SPTBN2: variants seen among roughly 807,000 people sequenced by gnomAD.
SPTBN2 encodes spectrin beta chain, non-erythrocytic 2.
SPTBN2 carries 107 observed loss-of-function variants against 284.2 expected under a neutral mutation model. That is an observed-to-expected ratio of 0.38 (90% CI 0.32 to 0.44). The LOEUF (loss-of-function observed/expected upper bound fraction) is 0.44. Ranked by LOEUF, SPTBN2 falls within the 20% of genes least tolerant of loss-of-function variation. The probability of loss-of-function intolerance (pLI) is 1.00; values close to 1 mark genes in which losing one functional copy is unlikely to be tolerated. For missense variants in SPTBN2, 2,569 were observed against 3,287.1 expected (o/e 0.78, Z 5.34); for synonymous variants, 1,289 against 1,354.8 (o/e 0.95, Z 1.07).
upstream of SPTBN2, among the ~76,000 whole-genome samples, chr11:66,733,908 G>A (rs940464526): frequency 6.7e-6 from 1 of 148,878 alleles, no homozygotes; most frequent in Non-Finnish European, 1.5e-5. Flanking sequence ...AACCCGGGAA[G>A]CAGAGCTTGC....
In SPTBN2 at chr11:66,707,903, G is replaced by C; in HGVS notation, c.1351-85C>G. 1 of 1,538,622 alleles carries C rather than the reference G, an allele frequency of 6.5e-7. No homozygotes were observed. The highest frequency in any genetic ancestry group is 8.8e-7 in the Non-Finnish European group (1 of 1,136,420). On this transcript the variant is annotated intron_variant, in intron 12 of 37. Transcript: ENST00000533211. The surrounding 1 kb of genome is among the most constrained non-coding windows in gnomAD (Gnocchi z 4.9). The stretch of plus-strand genomic sequence containing the variant: ...CTCTGTCCTGCAGGGCACTTGGCCT[G>C]CAAGATCCCAGCTCCATGCGGTGGC...
At chr11:66,732,823 G>A (rs189511766), upstream of SPTBN2, among the ~76,000 whole-genome samples, 46 of 151,548 alleles carry the variant, frequency 3.0e-4, no homozygotes, top group East Asian at 4.3e-3. Flanking sequence ...AGAATTAGCC[G>A]GGCGTGGTGG....
rs1287567134 is a variant in SPTBN2, at chr11:66,715,598, G to C, written c.310-203C>G. Among the ~76,000 whole-genome samples, 1 of 152,250 alleles carries C rather than the reference G, an allele frequency of 6.6e-6. No individual in the cohort carries two copies. The highest frequency in any genetic ancestry group is 1.5e-5 in the Non-Finnish European group (1 of 68,046). ...TTCCCAAGGGAATTAATTGCACCCA[G>C]AGTAGGTGGGAAAAGAAATGTTTTC... On this transcript the variant is annotated intron_variant, in intron 4 of 37. Transcript: ENST00000533211. The surrounding 1 kb of genome is among the most constrained non-coding windows in gnomAD (Gnocchi z 5.3).
chr11:66,685,900 G>A lies in SPTBN2; in HGVS notation c.7144C>T (p.Arg2382Cys), dbSNP rs747604384. 5 of 1,613,936 alleles carry A rather than the reference G, an allele frequency of 3.1e-6. No homozygotes were observed. The highest frequency in any genetic ancestry group is 1.7e-5 in the Admixed American group (1 of 60,020). The stretch of plus-strand genomic sequence containing the variant: ...TTGTTCTTCTTAAAGAAGCTGAAGC[G>A]TTTTTCTCGCTCTCGTTCTCTGCCG... ...KDGREREREKRFSFFKKNK is the reference protein window; with the variant it reads ...KDGREREREKCFSFFKKNK The change falls in exon 38 of 38, where the codon CGC (arginine) becomes TGC (cysteine). Residue 2382 changes from arginine to cysteine, a missense_variant. By Grantham distance (180) the Arg-to-Cys change is radical. Transcript: ENST00000533211. The surrounding 1 kb of genome is among the most constrained non-coding windows in gnomAD (Gnocchi z 4.4).
At chr11:66,728,352 T>G (rs1010017730) in intron 1 of SPTBN2, 1 of 143,860 alleles carries the variant, frequency 7.0e-6, no homozygotes, top group African/African-American at 2.5e-5. Flanking sequence ...GCGGGGCGCG[T>G]GGCGGCGGCG....
intron 15 of SPTBN2, among the ~76,000 whole-genome samples, chr11:66,704,333 G>C (rs1471031525): frequency 6.6e-6 from 1 of 152,126 alleles, no homozygotes; most frequent in Non-Finnish European, 1.5e-5. Flanking sequence ...GCTAATCTTG[G>C]GGATTTGCTT....
At chr11:66,690,329 G>A (rs1443736446) in intron 27 of SPTBN2, 46 bp from the exon 28 acceptor site, 5 of 1,529,956 alleles carry the variant, frequency 3.3e-6, no homozygotes. Context: ...GGACTCCAAG[G>A]AGCCGCAGCC....
chr11:66,687,326 C>A lies in SPTBN2; in HGVS notation c.6722+101G>T. On this transcript the variant is annotated intron_variant, in intron 35 of 37. Transcript: ENST00000533211. This position sits in a 1 kb window ranked among gnomAD's most constrained non-coding sequence, Gnocchi z 5.2. ...GGCCCCGCTCTGGTCCCAAGTCCTACCCTTTGCCCAGAAGATGTACTCTAA... is the reference window on the plus strand; with the variant it reads ...GGCCCCGCTCTGGTCCCAAGTCCTAACCTTTGCCCAGAAGATGTACTCTAA... 1 of 1,558,202 alleles carries A rather than the reference C, an allele frequency of 6.4e-7. No homozygotes were observed. Among genetic ancestry groups the A allele is most frequent in the South Asian group, 1.1e-5 (1 of 89,730 alleles).
Position 66,721,390 on chromosome 11 carries a change from T to C in SPTBN2, c.-63A>G, listed in dbSNP as rs1381722701. On this transcript the variant is annotated 5_prime_UTR_variant, in exon 2 of 38. Coordinates refer to ENST00000533211, the MANE Select transcript of SPTBN2 (RefSeq NM_006946.4). ...CTTGTGGCCAGAGGCTGCGGTTGGC[T>C]GCTCAGTGGAAATCAGCCCCCAGGG... 1.3e-5 allele frequency: 14 copies of C among 1,116,602 alleles called. No homozygotes were observed. The highest frequency in any genetic ancestry group is 1.9e-5 in the Non-Finnish European group (14 of 751,276). The allele number at this position is 1,116,602 out of a possible 1,614,324, so 69.2% of individuals were successfully genotyped here. A position where few individuals can be genotyped will look rare whatever the true frequency, so the allele number is the denominator to read the frequency against.
chr11:66,696,501 C>T lies in SPTBN2; in HGVS notation c.4054G>A (p.Ala1352Thr), dbSNP rs750561783. Residue 1352 changes from alanine (A) to threonine (T), a missense_variant, in exon 21 of 38, where the codon GCC (alanine) becomes ACC (threonine). Coordinates refer to ENST00000533211, the MANE Select transcript of SPTBN2 (RefSeq NM_006946.4). ...TCTCTCAGCTTCTCCGACACCAGGG[C>T]TTTCAGCTCTGGCTTCTCAAGGGTG... Reference protein sequence around the residue: ...ELTLEKPELKALVSEKLRDLH... With the variant: ...ELTLEKPELKTLVSEKLRDLH... The T allele has an allele frequency of 4.3e-6, 7 of 1,612,186 alleles. No homozygotes were observed. In the East Asian group the frequency reaches 8.9e-5, roughly 21 times the overall value.
Position 66,694,194 on chromosome 11 carries a change from C to T in SPTBN2, c.4448G>A (p.Arg1483His), listed in dbSNP as rs371470159. Residue 1483 changes from arginine to histidine, a missense_variant, in exon 22 of 38, where the codon CGC (arginine) becomes CAC (histidine). Around this residue, in one of 6 missense-constraint regions of SPTBN2, gnomAD observed 1,130 missense variants for 1,317.3 expected, o/e 0.86. Transcript: ENST00000533211. ...LCQPMRERCRRLQASREQHQF... is the reference protein window; with the variant it reads ...LCQPMRERCRHLQASREQHQF... ...GTGCTGCTCGCGAGAAGCCTGCAGG[C>T]GCCGGCAGCGTTCCCGCATGGGCTG... is the stretch of plus-strand genomic sequence containing the variant. The T allele has an allele frequency of 2.0e-5, 33 of 1,613,188 alleles. No homozygotes were observed. Among genetic ancestry groups the T allele is most frequent in the African/African-American group, 1.5e-4 (11 of 75,054 alleles).
At position 66,708,311 on chromosome 11, in the gene SPTBN2, G is replaced by A. The variant is rs774965267; in HGVS notation, c.1192-12C>T. The stretch of plus-strand genomic sequence containing the variant: ...AGCCGCTCCCAAGCCTATGGGGTGG[G>A]GACAGGGTTAGTGGAAGGGACAGGG... On this transcript the variant is annotated splice_polypyrimidine_tract_variant and intron_variant, in intron 11 of 37. Coordinates refer to ENST00000533211, the MANE Select transcript of SPTBN2 (RefSeq NM_006946.4). The surrounding 1 kb of genome is among the most constrained non-coding windows in gnomAD (Gnocchi z 4.4). 12 of 1,578,712 alleles carry A rather than the reference G, an allele frequency of 7.6e-6. No individual in the cohort carries two copies. Among genetic ancestry groups the A allele is most frequent in the Admixed American group, 6.8e-5 (4 of 58,552 alleles).
intron 5 of SPTBN2, among the ~76,000 whole-genome samples, chr11:66,714,806 G>A (rs1483962446): frequency 6.6e-6 from 1 of 152,174 alleles, no homozygotes; most frequent in Non-Finnish European, 1.5e-5. Flanking sequence ...GGGGCATGAG[G>A]AGGAGGAGGG....
chr11:66,692,433 C>T, intron 26 of SPTBN2, 103 bp downstream of exon 26: 1 of 1,417,714 alleles, frequency 7.1e-7, no homozygotes, highest in Non-Finnish European at 9.8e-7. Context: ...TGGTCTTGCC[C>T]CTTAGCCCCT....
Position 66,685,845 on chromosome 11 carries a change from GA to G in SPTBN2, c.*25del. ...TGGCAGTTTCCTGAACGGAGGGAGGGAGTTGGCCTGGGACCTTGCCCCCAAC... is the reference window on the plus strand; with the variant it reads ...TGGCAGTTTCCTGAACGGAGGGAGGGGTTGGCCTGGGACCTTGCCCCCAAC... On this transcript the variant is annotated 3_prime_UTR_variant, in exon 38 of 38. Transcript: ENST00000533211. This position sits in a 1 kb window ranked among gnomAD's most constrained non-coding sequence, Gnocchi z 4.4. 6.2e-7 allele frequency: 1 copy of G among 1,601,308 alleles called. No homozygotes were observed. Among genetic ancestry groups the G allele is most frequent in the Non-Finnish European group, 8.6e-7 (1 of 1,169,198 alleles).
intron 37 of SPTBN2, 107 bp from the exon 38 acceptor site, chr11:66,686,211 T>C: frequency 7.1e-7 from 1 of 1,401,930 alleles, no homozygotes; most frequent in Non-Finnish European, 1.0e-6. Flanking sequence ...AGCTGACTGT[T>C]TCATGCTATT....
Position 66,721,147 on chromosome 11 carries a change from C to A in SPTBN2, c.94G>T (p.Asp32Tyr), listed in dbSNP as rs935849810. ...GCCGAGCTGCTGTCATTGTCCCAGTCCGAGTCAGGAAGGTCCCAGCGGTTG... is the reference window on the plus strand; with the variant it reads ...GCCGAGCTGCTGTCATTGTCCCAGTACGAGTCAGGAAGGTCCCAGCGGTTG... ...INNRWDLPDS[D>Y]WDNDSSSARL... Residue 32 changes from aspartate (D) to tyrosine (Y), a missense_variant, in exon 3 of 38, where the codon GAC becomes TAC. Physicochemically the swap from Asp to Tyr is radical, Grantham distance 160 (BLOSUM62 -3). Transcript: ENST00000533211. 4 of 1,614,026 alleles carry A rather than the reference C, an allele frequency of 2.5e-6. No individual in the cohort carries two copies. Among genetic ancestry groups the A allele is most frequent in the Non-Finnish European group, 3.4e-6 (4 of 1,180,044 alleles).
intron 1 of SPTBN2, chr11:66,744,364 A>G (rs1942936878): frequency 6.5e-6 from 1 of 153,444 alleles, no homozygotes; most frequent in Non-Finnish European, 1.5e-5. Context: ...AGGGGTCACG[A>G]ACCCGCTTGG....
Position 66,693,453 on chromosome 11 carries a change from A to G in SPTBN2, c.4594-7T>C, listed in dbSNP as rs150454036. 7.5e-5 allele frequency: 120 copies of G among 1,597,508 alleles called. No individual in the cohort carries two copies. In the African/African-American group the frequency reaches 1.5e-3, roughly 19 times the overall value. ...GAATCTCTTTCTGCAGGGTCTGCCC[A>G]TGGCCACAGAAGAGAAAATGCTGAA... On this transcript the variant is annotated splice_region_variant and splice_polypyrimidine_tract_variant and intron_variant, in intron 23 of 37. Transcript: ENST00000533211. This position sits in a 1 kb window ranked among gnomAD's most constrained non-coding sequence, Gnocchi z 5.7.
Sources: gnomAD v4.1 joint callset for allele counts (sites outside exome capture counted in the v4.1 genomes callset) on GRCh38, gnomAD v4.1.1 for gene constraint, gnomAD v4.1.1 regional missense constraint, Gnocchi (gnomAD v3.1) non-coding constraint, MANE v1.5 for transcripts, NCBI Gene and HGNC (gene_info 2026-07-23, HGNC 2026-07-21) for gene names.